The following CNTN5 variants were observed in gnomAD, a reference collection of about 807,000 sequenced individuals.
CNTN5 encodes the protein contactin 5.
Under a neutral mutation model 129.1 loss-of-function variants are expected in CNTN5, and 77 were observed. The observed-to-expected ratio is 0.60, with a 90% CI of 0.50 to 0.72. The LOEUF (loss-of-function observed/expected upper bound fraction) is 0.72. Ranked by LOEUF, CNTN5 falls within the 30% of genes least tolerant of loss-of-function variation. The pLI is 0.00. For missense variants in CNTN5, 1,478 were observed against 1,328.8 expected, an observed-to-expected ratio of 1.11 and a Z score of -1.75; for synonymous variants, 509 against 465.6, an observed-to-expected ratio of 1.09 and a Z score of -1.20.
At chr11:100,175,217 G>T (rs1421555) in intron 13 of CNTN5, among the ~76,000 whole-genome samples, 49,069 of 151,832 alleles carry the variant, frequency 0.32, 8,979 homozygotes, top group East Asian at 0.67. Flanking sequence ...GTACAAATTT[G>T]GGAATCCAGC....
chr11:99,828,444 G>A (rs1947036820), intron 4 of CNTN5, among the ~76,000 whole-genome samples: 1 of 152,084 alleles, frequency 6.6e-6, no homozygotes, highest in Non-Finnish European at 1.5e-5. Flanking sequence ...AGATGGAAGG[G>A]CAGAGACAGT....
intron 1 of CNTN5, among the ~76,000 whole-genome samples, chr11:99,056,875 C>T (rs898159700): frequency 1.3e-5 from 2 of 152,032 alleles, no homozygotes; most frequent in Non-Finnish European, 2.9e-5. Flanking sequence ...TAAATGGTAT[C>T]TTACATGTGC....
chr11:100,324,418 T>C (rs1951751595), intron 21 of CNTN5, among the ~76,000 whole-genome samples: 1 of 152,132 alleles, frequency 6.6e-6, no homozygotes, highest in Non-Finnish European at 1.5e-5. Flanking sequence ...AAAGGGGAAG[T>C]GGGGCATGGT....
intron 1 of CNTN5, among the ~76,000 whole-genome samples, chr11:99,123,004 A>G (rs1368673585): frequency 6.6e-6 from 1 of 152,174 alleles, no homozygotes; most frequent in Admixed American, 6.5e-5. Flanking sequence ...TGTAATAAAC[A>G]TACATGTGCA....
chr11:99,254,714 G>A (rs1169374611), intron 1 of CNTN5, among the ~76,000 whole-genome samples: 1 of 151,864 alleles, frequency 6.6e-6, no homozygotes, highest in Non-Finnish European at 1.5e-5. Context: ...ACATGGAAGT[G>A]TTTAAATCAA....
At chr11:99,212,039 T>G (rs549881565) in intron 1 of CNTN5, among the ~76,000 whole-genome samples, 1 of 152,322 alleles carries the variant, frequency 6.6e-6, no homozygotes, top group African/African-American at 2.4e-5. Flanking sequence ...AGTTTATTAC[T>G]GTATGATAAG....
At chr11:99,306,986 G>T (rs1264800540) in intron 1 of CNTN5, among the ~76,000 whole-genome samples, 1 of 152,010 alleles carries the variant, frequency 6.6e-6, no homozygotes, top group East Asian at 1.9e-4. Flanking sequence ...TTCTCCACTG[G>T]TGTGACCTAT....
intron 3 of CNTN5, among the ~76,000 whole-genome samples, chr11:99,741,636 G>A (rs1238788401): frequency 6.6e-6 from 1 of 152,082 alleles, no homozygotes; most frequent in Non-Finnish European, 1.5e-5. Context: ...TAGGAGACAA[G>A]TTTGCCCTAA....
chr11:100,340,530 C>A lies in CNTN5; in HGVS notation c.2798C>A (p.Ser933Tyr), dbSNP rs201747311. The A allele has an allele frequency of 3.7e-5, 59 of 1,613,070 alleles. No homozygotes were observed. Among genetic ancestry groups the A allele is most frequent in the Non-Finnish European group, 5.0e-5 (59 of 1,179,498 alleles). ...AETVKTRGNE[S>Y]FVILTGLEGN... ...ACAGTCAAAACTAGAGGGAATGAGT[C>A]TTTCGTCATCCTAACAGGATTAGAA... is the stretch of plus-strand genomic sequence containing the variant. The change falls in exon 22 of 25, where the codon TCT becomes TAT. Residue 933 changes from serine (S) to tyrosine (Y), a missense_variant. Ser to Tyr is a moderately radical substitution (Grantham distance 144). Transcript: ENST00000524871.
At chr11:99,614,929 G>C (rs1394806201) in intron 3 of CNTN5, among the ~76,000 whole-genome samples, 1 of 151,656 alleles carries the variant, frequency 6.6e-6, no homozygotes, top group East Asian at 1.9e-4. Flanking sequence ...TTTTTCCTAA[G>C]AATGGCCGTA....
chr11:100,015,532 C>G lies in CNTN5; in HGVS notation c.980+13396C>G, dbSNP rs78539101. ...GCACACACTTCCCTGTGGTCTGTAA[C>G]TAACAAGGTACTGCAAATTCATGGA... On this transcript the variant is annotated intron_variant, in intron 9 of 24. Transcript: ENST00000524871. Among the ~76,000 whole-genome samples, 43 of 152,198 alleles carry G rather than the reference C, an allele frequency of 2.8e-4. 1 individual carries two copies. The East Asian group carries it at 8.3e-3, about 30-fold the overall frequency.
chr11:100,111,078 G>T (rs7938711), intron 13 of CNTN5, among the ~76,000 whole-genome samples: 2,305 of 152,050 alleles, frequency 0.015, 61 homozygotes, highest in African/African-American at 0.052. Flanking sequence ...GTTTATATAG[G>T]TTTACCAAGG....
At chr11:99,886,608 G>A (rs1948907256) in intron 6 of CNTN5, among the ~76,000 whole-genome samples, 2 of 152,036 alleles carry the variant, frequency 1.3e-5, no homozygotes, top group Non-Finnish European at 2.9e-5. Flanking sequence ...TATACCATGA[G>A]ACATATAAAA....
At chr11:99,899,392 A>G (rs1596307) in intron 6 of CNTN5, among the ~76,000 whole-genome samples, 2,474 of 152,056 alleles carry the variant, frequency 0.016, 85 homozygotes, top group East Asian at 0.099. Context: ...ATTTTGAAGT[A>G]TGTTCCATCT....
At chr11:99,099,727 TA>T (rs1429635477) in intron 1 of CNTN5, among the ~76,000 whole-genome samples, 2 of 152,114 alleles carry the variant, frequency 1.3e-5, no homozygotes, top group African/African-American at 4.8e-5. Flanking sequence ...CTATGTAAAA[TA>T]GGGATAATAA....
At chr11:100,140,522 T>C (rs550140091) in intron 13 of CNTN5, among the ~76,000 whole-genome samples, 1 of 152,150 alleles carries the variant, frequency 6.6e-6, no homozygotes, top group African/African-American at 2.4e-5. Context: ...CAGAAAAGGG[T>C]GAACTAGAAG....
At chr11:99,263,908 C>T (rs1421180226) in intron 1 of CNTN5, among the ~76,000 whole-genome samples, 1 of 152,058 alleles carries the variant, frequency 6.6e-6, no homozygotes, top group Non-Finnish European at 1.5e-5. Flanking sequence ...TTACCCGAAG[C>T]AAAATCCTGT....
At chr11:99,474,120 CT>C (rs1162721184) in intron 2 of CNTN5, among the ~76,000 whole-genome samples, 1 of 151,940 alleles carries the variant, frequency 6.6e-6, no homozygotes, top group Non-Finnish European at 1.5e-5. Flanking sequence ...TATCTCCAGT[CT>C]ATAATATGCC....
intron 1 of CNTN5, among the ~76,000 whole-genome samples, chr11:99,231,493 GTTAT>G (rs1404570574): frequency 4.6e-5 from 7 of 152,006 alleles, no homozygotes; most frequent in Non-Finnish European, 4.4e-5. Context: ...TTTTAACGGG[GTTAT>G]TTGTTTTTTT....
Sources: gnomAD v4.1 joint callset for allele counts (sites outside exome capture counted in the v4.1 genomes callset) on GRCh38, gnomAD v4.1.1 for gene constraint, MANE v1.5 for transcripts, NCBI Gene and HGNC (gene_info 2026-07-23, HGNC 2026-07-21) for gene names.